CADPS2: variants seen among roughly 807,000 people sequenced by gnomAD.
CADPS2 encodes the protein calcium dependent secretion activator 2, also known as calcium-dependent secretion activator 2.
A neutral mutation model predicts 172.5 loss-of-function variants in CADPS2; 93 were observed. The ratio of observed to expected loss-of-function variants is 0.54; its 90% confidence interval spans 0.46 to 0.64. The LOEUF is 0.64. Among genes scored for constraint, CADPS2 ranks in the 30% least tolerant of loss-of-function variants. The pLI is 0.00. For missense variants in CADPS2, 1,420 were observed against 1,565.9 expected, an observed-to-expected ratio of 0.91 and a Z score of 1.57; for synonymous variants, 546 against 555.2, an observed-to-expected ratio of 0.98 and a Z score of 0.23.
intron 2 of CADPS2, among the ~76,000 whole-genome samples, chr7:122,705,820 AAT>A (rs1171356568): frequency 0.02 from 380 of 19,240 alleles, 93 homozygotes; most frequent in African/African-American, 0.048. Context: ...GATATATAAT[AAT>A]ATATATTTAT....
At chr7:122,726,940 G>T (rs2091168243) in intron 2 of CADPS2, among the ~76,000 whole-genome samples, 1 of 151,968 alleles carries the variant, frequency 6.6e-6, no homozygotes, top group Admixed American at 6.6e-5. Context: ...AAGTTAAAGA[G>T]CATTTCCCTG....
chr7:122,876,274 C>T (rs1183837390), intron 1 of CADPS2, among the ~76,000 whole-genome samples: 5 of 152,130 alleles, frequency 3.3e-5, no homozygotes, highest in East Asian at 3.9e-4. Context: ...GGGTCAGGAT[C>T]GTGTCACTGC....
chr7:122,668,584 A>C (rs2081437159), intron 2 of CADPS2, among the ~76,000 whole-genome samples: 1 of 152,166 alleles, frequency 6.6e-6, no homozygotes, highest in Admixed American at 6.5e-5. Flanking sequence ...AGAATAAGAG[A>C]GACAGAGACA....
chr7:122,447,669 T>C (rs2052467970), intron 15 of CADPS2, among the ~76,000 whole-genome samples: 1 of 148,202 alleles, frequency 6.7e-6, no homozygotes, highest in South Asian at 2.2e-4. Flanking sequence ...TTTTCATGAC[T>C]CAGCCTCCCA....
chr7:122,447,156 A>G (rs1443345719), intron 15 of CADPS2, among the ~76,000 whole-genome samples: 3 of 150,222 alleles, frequency 2.0e-5, no homozygotes, highest in Admixed American at 1.4e-4. Context: ...CAGTATCTAC[A>G]TTACATTAGT....
intron 2 of CADPS2, among the ~76,000 whole-genome samples, chr7:122,684,007 C>T (rs1247846165): frequency 6.6e-6 from 1 of 151,982 alleles, no homozygotes; most frequent in African/African-American, 2.4e-5. Context: ...CACCTGTGAC[C>T]CTTAACTAAA....
rs540288969 is a variant in CADPS2 at position 122,836,659 on chromosome 7, C to A, written c.339+49340G>T. On this transcript the variant is annotated intron_variant, in intron 1 of 29. Coordinates refer to ENST00000449022, the MANE Select transcript of CADPS2 (RefSeq NM_017954.11). The stretch of plus-strand genomic sequence containing the variant: ...TCTGATAAAACAGACTTTAAACCAA[C>A]AAAGATCAAAAGAGACAAAGAAGGC... Among the ~76,000 whole-genome samples, 7 of 152,162 alleles carry A rather than the reference C, an allele frequency of 4.6e-5. No individual in the cohort carries two copies. The East Asian group carries it at 1.2e-3, about 25-fold the overall frequency.
chr7:122,462,584 A>G (rs1190997495), intron 14 of CADPS2, among the ~76,000 whole-genome samples: 1 of 152,240 alleles, frequency 6.6e-6, no homozygotes, highest in East Asian at 1.9e-4. Flanking sequence ...GGACAGAAAT[A>G]GTCATATTGA....
intron 3 of CADPS2, among the ~76,000 whole-genome samples, chr7:122,650,133 C>T (rs2079003786): frequency 6.6e-6 from 1 of 151,560 alleles, no homozygotes; most frequent in African/African-American, 2.4e-5. Flanking sequence ...TGGTCTGGAA[C>T]TCCCGACCTC....
chr7:122,508,094 G>C (rs2059741338), intron 9 of CADPS2, among the ~76,000 whole-genome samples: 1 of 152,004 alleles, frequency 6.6e-6, no homozygotes, highest in African/African-American at 2.4e-5. Flanking sequence ...TAGATATAAA[G>C]ACATATATAT....
chr7:122,474,659 T>C (rs2056418342), intron 12 of CADPS2, 142 bp from the exon 13 acceptor site: 1 of 741,812 alleles, frequency 1.3e-6, no homozygotes, highest in Non-Finnish European at 2.1e-6. Context: ...GAGTTCAGCA[T>C]ATTAACATAA....
At chr7:122,646,554 A>G (rs542694513) in intron 3 of CADPS2, among the ~76,000 whole-genome samples, 2 of 152,102 alleles carry the variant, frequency 1.3e-5, no homozygotes, top group South Asian at 4.1e-4. Context: ...CGTGAGGTAA[A>G]ATTAAAATCC....
At chr7:122,660,536 A>G (rs1033429376) in intron 3 of CADPS2, among the ~76,000 whole-genome samples, 1 of 151,954 alleles carries the variant, frequency 6.6e-6, no homozygotes, top group Admixed American at 6.6e-5. Flanking sequence ...ATCCAACTAC[A>G]TTAGTAATCA....
intron 6 of CADPS2, among the ~76,000 whole-genome samples, chr7:122,589,910 T>C (rs1478504464): frequency 6.6e-6 from 1 of 151,922 alleles, no homozygotes; most frequent in African/African-American, 2.4e-5. Flanking sequence ...TATTGAGGTA[T>C]AGTTTACATG....
chr7:122,573,746 C>T (rs999635134), intron 7 of CADPS2, among the ~76,000 whole-genome samples: 8 of 152,076 alleles, frequency 5.3e-5, no homozygotes, highest in Admixed American at 5.2e-4. Flanking sequence ...AGTGCACTGG[C>T]AGCCAGATAG....
intron 23 of CADPS2, among the ~76,000 whole-genome samples, chr7:122,388,033 C>A (rs1339481391): frequency 6.6e-6 from 1 of 151,952 alleles, no homozygotes. Flanking sequence ...TTTTTTAAAA[C>A]TACGATAAAA....
intron 1 of CADPS2, among the ~76,000 whole-genome samples, chr7:122,831,444 A>G (rs1426833699): frequency 1.3e-5 from 2 of 152,234 alleles, no homozygotes; most frequent in African/African-American, 2.4e-5. Flanking sequence ...AGAACTTATA[A>G]TCACACTTGT....
At chr7:122,656,095 A>C (rs1191790662) in intron 3 of CADPS2, among the ~76,000 whole-genome samples, 1 of 152,170 alleles carries the variant, frequency 6.6e-6, no homozygotes, top group African/African-American at 2.4e-5. Context: ...GAGTGGTAGG[A>C]ATATTTACTT....
intron 7 of CADPS2, among the ~76,000 whole-genome samples, chr7:122,576,691 G>T (rs751327904): frequency 6.6e-6 from 1 of 152,022 alleles, no homozygotes; most frequent in Non-Finnish European, 1.5e-5. Flanking sequence ...AGTCAAGGGA[G>T]AGACCAGGTG....
Sources: gnomAD v4.1 joint callset for allele counts (sites outside exome capture counted in the v4.1 genomes callset) on GRCh38, gnomAD v4.1.1 for gene constraint, MANE v1.5 for transcripts, NCBI Gene and HGNC (gene_info 2026-07-23, HGNC 2026-07-21) for gene names.